SETBP1: variants seen among roughly 807,000 people sequenced by gnomAD.
SETBP1 encodes SET binding protein 1.
In SETBP1, 9 loss-of-function variants were observed where a neutral mutation model predicts 101.0. The observed-to-expected ratio is 0.09, with a 90% CI of 0.05 to 0.16. The LOEUF (loss-of-function observed/expected upper bound fraction) is 0.16. Among genes scored for constraint, SETBP1 ranks in the 10% least tolerant of loss-of-function variants. The pLI is 1.00. For synonymous variants in SETBP1, 818 were observed against 788.5 expected, an observed-to-expected ratio of 1.04 and a Z score of -0.63; for missense variants, 1,858 against 2,033.8, an observed-to-expected ratio of 0.91 and a Z score of 1.66.
chr18:44,846,482 G>A (rs1054065407), intron 2 of SETBP1, among the ~76,000 whole-genome samples: 2 of 152,092 alleles, frequency 1.3e-5, no homozygotes, highest in African/African-American at 4.8e-5. Flanking sequence ...TGCCTGTTCT[G>A]GATATTTCCT....
intron 4 of SETBP1, among the ~76,000 whole-genome samples, chr18:44,964,291 AC>A (rs768511302): frequency 5.9e-5 from 9 of 152,204 alleles, no homozygotes; most frequent in Admixed American, 1.3e-4. Context: ...AGTGGCTCAC[AC>A]CTGTAATCCC....
intron 2 of SETBP1, among the ~76,000 whole-genome samples, chr18:44,799,881 G>T (rs551527494): frequency 6.6e-6 from 1 of 152,216 alleles, no homozygotes; most frequent in East Asian, 1.9e-4. Flanking sequence ...GAATGTGTAG[G>T]TATAGAAATC....
At chr18:44,808,278 T>C (rs907935456) in intron 2 of SETBP1, among the ~76,000 whole-genome samples, 1 of 152,194 alleles carries the variant, frequency 6.6e-6, no homozygotes, top group Non-Finnish European at 1.5e-5. Context: ...CTCCTTCACA[T>C]GTCTTTATAA....
At chr18:44,884,611 G>A (rs1418035337) in intron 3 of SETBP1, among the ~76,000 whole-genome samples, 1 of 152,162 alleles carries the variant, frequency 6.6e-6, no homozygotes, top group Non-Finnish European at 1.5e-5. Flanking sequence ...AGGAAAAATG[G>A]AACTGGAATC....
At chr18:44,973,892 G>A (rs1412444487) in intron 4 of SETBP1, among the ~76,000 whole-genome samples, 2 of 152,162 alleles carry the variant, frequency 1.3e-5, no homozygotes, top group Admixed American at 1.3e-4. Flanking sequence ...TGGCAGAGGG[G>A]GGAGTAGGGG....
rs1390520965 is a variant in SETBP1 at position 44,852,409 on chromosome 18, G to A, written c.487-16821G>A. Among the ~76,000 whole-genome samples, 7 of 152,274 alleles carry A rather than the reference G, an allele frequency of 4.6e-5. No individual in the cohort carries two copies. The South Asian group carries it at 6.2e-4, about 14-fold the overall frequency. ...TGCAAACATGCAGCTTGGTCCGTCC[G>A]TATTCCCATGAAGCTGGGTGTGCAG... is the stretch of plus-strand genomic sequence containing the variant. On this transcript the variant is annotated intron_variant, in intron 2 of 5. Coordinates refer to ENST00000649279, the MANE Select transcript of SETBP1 (RefSeq NM_015559.3).
chr18:44,963,711 A>G (rs1258381515), intron 4 of SETBP1, among the ~76,000 whole-genome samples: 1 of 151,300 alleles, frequency 6.6e-6, no homozygotes, highest in East Asian at 2.0e-4. Flanking sequence ...CAACTTAGGG[A>G]GACCCCGTCT....
chr18:44,989,392 A>G (rs1472095162), intron 4 of SETBP1, among the ~76,000 whole-genome samples: 1 of 152,196 alleles, frequency 6.6e-6, no homozygotes, highest in Non-Finnish European at 1.5e-5. Context: ...AGATAGATCC[A>G]AAGAAATTAT....
intron 2 of SETBP1, among the ~76,000 whole-genome samples, chr18:44,702,473 C>G (rs141068138): frequency 7.9e-5 from 12 of 152,290 alleles, no homozygotes; most frequent in African/African-American, 2.9e-4. Context: ...TTCTGCATAT[C>G]TGACAAAAAA....
At chr18:44,945,828 A>G (rs997336668) in intron 3 of SETBP1, among the ~76,000 whole-genome samples, 1 of 152,196 alleles carries the variant, frequency 6.6e-6, no homozygotes, top group African/African-American at 2.4e-5. Flanking sequence ...TGCATAGGTT[A>G]ATAAAGACCT....
intron 1 of SETBP1, chr18:44,697,416 A>G (rs2069038425): frequency 6.6e-6 from 1 of 152,270 alleles, no homozygotes; most frequent in African/African-American, 2.4e-5. Context: ...ACATATGGAC[A>G]CCAGGGGCTG....
intron 4 of SETBP1, among the ~76,000 whole-genome samples, chr18:44,965,284 A>ACACACACACACAC (rs76103547): frequency 1.4e-5 from 2 of 147,022 alleles, no homozygotes; most frequent in Non-Finnish European, 3.0e-5. Flanking sequence ...CATGCACACA[A>ACACACACACACAC]ACACACACAC....
intron 2 of SETBP1, among the ~76,000 whole-genome samples, chr18:44,868,704 AAG>A (rs1568190482): frequency 2.2e-3 from 15 of 6,934 alleles, no homozygotes; most frequent in East Asian, 0.018. Context: ...GAGAGGACGG[AAG>A]GAAGGGAGGA....
intron 2 of SETBP1, among the ~76,000 whole-genome samples, chr18:44,738,969 A>G (rs973759008): frequency 6.6e-6 from 1 of 152,116 alleles, no homozygotes; most frequent in African/African-American, 2.4e-5. Context: ...GTGTTGACAG[A>G]GCTGTATTCA....
intron 2 of SETBP1, among the ~76,000 whole-genome samples, chr18:44,856,544 A>G (rs1303402873): frequency 2.0e-5 from 3 of 152,232 alleles, no homozygotes; most frequent in Non-Finnish European, 2.9e-5. Context: ...TCAATCTCAT[A>G]TCTTACTACT....
At chr18:44,744,605 G>C (rs1025005285) in intron 2 of SETBP1, among the ~76,000 whole-genome samples, 3 of 152,152 alleles carry the variant, frequency 2.0e-5, no homozygotes, top group African/African-American at 7.2e-5. Context: ...GCTGGCGAAT[G>C]TCGCGCACCC....
intron 5 of SETBP1, among the ~76,000 whole-genome samples, chr18:45,041,648 A>G (rs371045523): frequency 1.3e-5 from 2 of 152,200 alleles, no homozygotes; most frequent in East Asian, 3.9e-4. Context: ...AATTCAATTA[A>G]TTAGAAATTT....
At chr18:45,059,135 T>C (rs1332312159) in intron 5 of SETBP1, among the ~76,000 whole-genome samples, 1 of 152,190 alleles carries the variant, frequency 6.6e-6, no homozygotes, top group African/African-American at 2.4e-5. Flanking sequence ...TTAATAAACC[T>C]CATGTACCCA....
intron 2 of SETBP1, among the ~76,000 whole-genome samples, chr18:44,802,514 A>G (rs777891141): frequency 4.6e-5 from 7 of 152,196 alleles, no homozygotes; most frequent in Non-Finnish European, 4.4e-5. Context: ...TCATTCTTCA[A>G]GAAAGGAGTG....
Sources: allele counts gnomAD v4.1 joint callset (sites outside exome capture counted in the v4.1 genomes callset), GRCh38; gene constraint gnomAD v4.1.1; transcripts MANE v1.5; gene names NCBI Gene and HGNC (gene_info 2026-07-23, HGNC 2026-07-21).